The following AAK1 variants were observed in gnomAD, a reference collection of about 807,000 sequenced individuals.
AAK1 encodes AP2-associated protein kinase 1.
In AAK1, 37 loss-of-function variants were observed where a neutral mutation model predicts 116.0. That is an observed-to-expected ratio of 0.32 (90% CI 0.25 to 0.42). The LOEUF (loss-of-function observed/expected upper bound fraction) is 0.42, where lower values mean the gene tolerates loss of function less well. AAK1 is among the 10% of genes least tolerant of loss of function. The pLI, the probability that AAK1 is intolerant of heterozygous loss-of-function variation, is 1.00. For missense variants in AAK1, 919 were observed against 1,170.6 expected, an observed-to-expected ratio of 0.79 and a Z score of 3.14; for synonymous variants, 458 against 439.9, an observed-to-expected ratio of 1.04 and a Z score of -0.51.
At chr2:69,490,925 A>C (rs1051430056) in intron 17 of AAK1, among the ~76,000 whole-genome samples, 4 of 148,902 alleles carry the variant, frequency 2.7e-5, no homozygotes, top group East Asian at 2.0e-4. Context: ...GTGTGTACCC[A>C]CACACACACA....
rs116575843 is a variant in AAK1 at position 69,510,034 on chromosome 2, G to A, written c.1777-574C>T. Among the ~76,000 whole-genome samples the A allele has an allele frequency of 5.2e-3, 789 of 152,260 alleles. 5 individuals carry two copies. The highest frequency in any genetic ancestry group is 0.018 in the African/African-American group (750 of 41,546). ...CTGTGATTAATAAATGTTACTGCTC[G>A]TTTGTTTTGAACTTTTATTTTAGGT... On this transcript the variant is annotated intron_variant, in intron 13 of 21. Coordinates refer to ENST00000409085, the MANE Select transcript of AAK1 (RefSeq NM_014911.5).
chr2:69,483,801 G>C (rs886525971), intron 17 of AAK1, among the ~76,000 whole-genome samples: 1 of 152,038 alleles, frequency 6.6e-6, no homozygotes, highest in East Asian at 1.9e-4. Flanking sequence ...ATGTCTTCTG[G>C]CCAAGAAATA....
rs1674613791 is a variant in AAK1 at position 69,469,760 on chromosome 2, C to T, written c.*6109G>A. 1 of 985,432 alleles carries T rather than the reference C, an allele frequency of 1.0e-6. No homozygotes were observed. 61.0% of individuals were successfully genotyped at this position (985,432 alleles called of 1,614,324 possible). A position where few individuals can be genotyped will look rare whatever the true frequency, so the allele number is the denominator to read the frequency against. The stretch of plus-strand genomic sequence containing the variant: ...TGCCTCTTTTTATTTTGGTTTCACA[C>T]ATAAAATTAAGCAAGAAGTCAAAAC... On this transcript the variant is annotated 3_prime_UTR_variant, in exon 22 of 22. Coordinates refer to ENST00000409085, the MANE Select transcript of AAK1 (RefSeq NM_014911.5).
intron 12 of AAK1, among the ~76,000 whole-genome samples, chr2:69,515,711 C>T (rs1038553668): frequency 6.6e-6 from 1 of 152,114 alleles, no homozygotes; most frequent in African/African-American, 2.4e-5. Context: ...TAAGGGCCTG[C>T]TGATGAACTA....
Position 69,496,081 on chromosome 2 carries a change from C to A in AAK1, c.2270-1G>T. 1.3e-6 allele frequency: 2 copies of A among 1,552,758 alleles called. No homozygotes were observed. Among genetic ancestry groups the A allele is most frequent in the Non-Finnish European group, 1.7e-6 (2 of 1,147,690 alleles). On this transcript the variant is annotated splice_acceptor_variant, in intron 16 of 21. Transcript: ENST00000409085. LOFTEE classifies it high-confidence loss of function. ...GTCTGCCCACCCTTCCTTTTTTCAG[C>A]TGGAGTTAGGTTGGAGGGGAAGGAG...
At chr2:69,561,172 C>T (rs1173609615) in intron 2 of AAK1, among the ~76,000 whole-genome samples, 1 of 152,146 alleles carries the variant, frequency 6.6e-6, no homozygotes, top group African/African-American at 2.4e-5. Context: ...AGATAATCTC[C>T]GAGCCTCCAG....
intron 2 of AAK1, among the ~76,000 whole-genome samples, chr2:69,590,887 A>G (rs571051957): frequency 6.6e-6 from 1 of 152,316 alleles, no homozygotes; most frequent in African/African-American, 2.4e-5. Flanking sequence ...CACCTCCCCA[A>G]AACACAAACT....
intron 5 of AAK1, among the ~76,000 whole-genome samples, chr2:69,541,073 A>AG (rs1558946805): frequency 6.6e-6 from 1 of 152,130 alleles, no homozygotes; most frequent in Non-Finnish European, 1.5e-5. Context: ...AAAGTAGATT[A>AG]GGGGTTGCCA....
At position 69,474,137 on chromosome 2, in the gene AAK1, C is replaced by T; in HGVS notation, c.*1732G>A. The T allele has an allele frequency of 1.0e-6, 1 of 985,910 alleles. No homozygotes were observed. Among genetic ancestry groups the T allele is most frequent in the Non-Finnish European group, 1.2e-6 (1 of 829,948 alleles). The allele number at this position is 985,910 out of a possible 1,614,324, so 61.1% of individuals were successfully genotyped here. A position where few individuals can be genotyped will look rare whatever the true frequency, so the allele number is the denominator to read the frequency against. ...TACTCGCACATTCCTAGGGTCAAACCTTGCCCTCCAGAATGCAGTGTTTTA... is the reference window on the plus strand; with the variant it reads ...TACTCGCACATTCCTAGGGTCAAACTTTGCCCTCCAGAATGCAGTGTTTTA... On this transcript the variant is annotated 3_prime_UTR_variant, in exon 22 of 22. Transcript: ENST00000409085.
rs1167102437 is a variant in AAK1, at chr2:69,594,845, C to T, written c.164-37867G>A. The T allele has an allele frequency of 1.7e-5, 26 of 1,555,972 alleles. No individual in the cohort carries two copies. In the Admixed American group the frequency reaches 1.7e-4, roughly 10 times the overall value. On this transcript the variant is annotated intron_variant, in intron 2 of 21. Transcript: ENST00000409085. ...CTCTTAGACCTGCAGTTGGGCTCAA[C>T]GCACTCAAGCCTTAGCACAATCTTC...
chr2:69,630,514 C>T (rs1299512669), intron 2 of AAK1, among the ~76,000 whole-genome samples: 1 of 152,206 alleles, frequency 6.6e-6, no homozygotes, highest in Non-Finnish European at 1.5e-5. Flanking sequence ...TGCTAACTAA[C>T]ATACACCAGT....
chr2:69,504,446 T>C (rs1331165936), intron 16 of AAK1, among the ~76,000 whole-genome samples: 2 of 140,988 alleles, frequency 1.4e-5, no homozygotes, highest in East Asian at 4.5e-4. Context: ...CTCAGAGTCT[T>C]AAGCAGGGGG....
At chr2:69,549,942 T>A (rs1345998584) in intron 3 of AAK1, among the ~76,000 whole-genome samples, 1 of 152,258 alleles carries the variant, frequency 6.6e-6, no homozygotes, top group Non-Finnish European at 1.5e-5. Flanking sequence ...TCAATGTATC[T>A]TCTATTTCTT....
intron 1 of AAK1, 129 bp downstream of exon 1, chr2:69,643,446 C>T: frequency 8.4e-7 from 1 of 1,191,190 alleles, no homozygotes; most frequent in Non-Finnish European, 1.1e-6. Context: ...ACCCGGGACC[C>T]CCGAGCCGGG....
At chr2:69,482,353 A>G (rs2104897351) in intron 18 of AAK1, 2 of 521,374 alleles carry the variant, frequency 3.8e-6, no homozygotes, top group Non-Finnish European at 6.7e-6. Flanking sequence ...ACTCTGTCTC[A>G]AACAAAAAAA....
rs752684721 is a variant in AAK1, at chr2:69,475,914, G to C, written c.2841C>G (p.Asn947Lys). 2 of 1,612,570 alleles carry C rather than the reference G, an allele frequency of 1.2e-6. No individual in the cohort carries two copies. Among genetic ancestry groups the C allele is most frequent in the Admixed American group, 1.7e-5 (1 of 59,874 alleles). ...CCACCAGCAGTAAAGACCTGGCTAG[G>C]TTGGGAAGACTGGACTCAGAGCTCC... ...SSGSSESSLP[N>K]LARSLLLVDQ... Residue 947 changes from asparagine to lysine, a missense_variant, in exon 22 of 22, where the codon AAC becomes AAG. By Grantham distance (94) the Asn-to-Lys change is moderately conservative. Around this residue, in one of 4 missense-constraint regions of AAK1, gnomAD observed 263 missense variants for 285.5 expected, o/e 0.92. Transcript: ENST00000409085.
intron 3 of AAK1, 124 bp from the exon 4 acceptor site, chr2:69,544,668 T>G (rs1448030262): frequency 1.4e-6 from 1 of 710,284 alleles, no homozygotes; most frequent in Admixed American, 2.7e-5. Flanking sequence ...CAGAGAAGAC[T>G]AAGGAGCAAA....
At chr2:69,526,424 C>T (rs918318377) in intron 9 of AAK1, among the ~76,000 whole-genome samples, 1 of 152,090 alleles carries the variant, frequency 6.6e-6, no homozygotes, top group Admixed American at 6.6e-5. Flanking sequence ...ATTATAGCAT[C>T]CATTAATAAA....
At chr2:69,578,293 G>C (rs1672397383) in intron 2 of AAK1, among the ~76,000 whole-genome samples, 1 of 152,208 alleles carries the variant, frequency 6.6e-6, no homozygotes, top group Non-Finnish European at 1.5e-5. Context: ...TGAATAGTAA[G>C]AGATGCTGAC....
Sources: gnomAD v4.1 joint callset for allele counts (sites outside exome capture counted in the v4.1 genomes callset) on GRCh38, gnomAD v4.1.1 for gene constraint, gnomAD v4.1.1 regional missense constraint, MANE v1.5 for transcripts, NCBI Gene and HGNC (gene_info 2026-07-23, HGNC 2026-07-21) for gene names.